The following MANEA variants were observed in gnomAD, a reference collection of about 807,000 sequenced individuals.
The protein encoded by MANEA is glycoprotein endo-alpha-1,2-mannosidase.
A neutral mutation model predicts 36.8 loss-of-function variants in MANEA; 25 were observed. The ratio of observed to expected loss-of-function variants is 0.68; its 90% confidence interval spans 0.50 to 0.95. The LOEUF is 0.95. Ranked by LOEUF, MANEA falls within the 40% of genes least tolerant of loss-of-function variation. MANEA has a pLI of 0.00. For synonymous variants in MANEA, 198 were observed against 188.5 expected (o/e 1.05, Z -0.41); for missense variants, 565 against 558.8 (o/e 1.01, Z -0.11).
At chr6:95,580,132 T>C (rs1407948401) in intron 1 of MANEA, among the ~76,000 whole-genome samples, 1 of 152,128 alleles carries the variant, frequency 6.6e-6, no homozygotes, top group Non-Finnish European at 1.5e-5. Flanking sequence ...ATCTTTACGA[T>C]TCTTTATAAT....
chr6:95,608,906 T>C lies in MANEA; in HGVS notation c.*2501T>C, dbSNP rs957589601. ...TGAATAATTACATGAAAAAAAAGAG[T>C]CTGTACATCTTCAGAGTTTCAGTCG... On this transcript the variant is annotated 3_prime_UTR_variant, in exon 5 of 5. Coordinates refer to ENST00000358812, the MANE Select transcript of MANEA (RefSeq NM_024641.4). 2.0e-5 allele frequency: 3 copies of C among 151,400 alleles called. No homozygotes were observed. Among genetic ancestry groups the C allele is most frequent in the Admixed American group, 6.6e-5 (1 of 15,162 alleles). 9.4% of individuals were successfully genotyped at this position (151,400 alleles called of 1,614,324 possible).
At chr6:95,599,415 TCA>T (rs775067426) in intron 3 of MANEA, among the ~76,000 whole-genome samples, 1 of 86,620 alleles carries the variant, frequency 1.2e-5, no homozygotes, top group Admixed American at 1.1e-4. Context: ...AGAGTCTATC[TCA>T]AAAAAAAAAA....
chr6:95,604,936 T>C, intron 4 of MANEA, 33 bp downstream of exon 4: 1 of 766,608 alleles, frequency 1.3e-6, no homozygotes, highest in Non-Finnish European at 2.0e-6. Context: ...AATATTGTTA[T>C]ATTATCCAGT....
intron 1 of MANEA, among the ~76,000 whole-genome samples, chr6:95,579,543 G>T (rs1769142185): frequency 6.6e-6 from 1 of 151,926 alleles, no homozygotes; most frequent in Non-Finnish European, 1.5e-5. Context: ...ATCTCCGGTG[G>T]CTTCATACAA....
chr6:95,606,387 C>T lies in MANEA; in HGVS notation c.1371C>T (p.Arg457=). 6.3e-7 allele frequency: 1 copy of T among 1,593,264 alleles called. No homozygotes were observed. Among genetic ancestry groups the T allele is most frequent in the Non-Finnish European group, 8.5e-7 (1 of 1,175,590 alleles). Residue 457 remains arginine, a synonymous_variant, in exon 5 of 5, where the codon CGC becomes CGT. Coordinates refer to ENST00000358812, the MANE Select transcript of MANEA (RefSeq NM_024641.4). ...SKERATYALD[R]QLPVS is the part of the protein sequence containing the mutation. ...AAAGAGCAACTTATGCATTAGATCG[C>T]CAGCTGCCTGTTTCTTAATGCATTG... is the stretch of plus-strand genomic sequence containing the variant.
Position 95,606,317 on chromosome 6 carries a change from T to C in MANEA, c.1301T>C (p.Leu434Pro). ...GATTACCGTCCTCATAAACCAGGTC[T>C]TTACCTAGAACTGACTCGCAAGTGG... ...YLDYRPHKPG[L>P]YLELTRKWSE... The change falls in exon 5 of 5, where the codon CTT becomes CCT. Residue 434 changes from leucine (L) to proline (P), a missense_variant. Transcript: ENST00000358812. The C allele has an allele frequency of 6.2e-7, 1 of 1,611,500 alleles. No homozygotes were observed. The highest frequency in any genetic ancestry group is 1.1e-5 in the South Asian group (1 of 91,076).
At chr6:95,605,442 G>A (rs1316608316) in intron 4 of MANEA, among the ~76,000 whole-genome samples, 1 of 152,104 alleles carries the variant, frequency 6.6e-6, no homozygotes, top group Admixed American at 6.6e-5. Context: ...TAAAAAAGCA[G>A]TTTAGGTATT....
intron 2 of MANEA, among the ~76,000 whole-genome samples, chr6:95,588,940 G>A (rs1769335816): frequency 6.6e-6 from 1 of 151,656 alleles, no homozygotes; most frequent in South Asian, 2.1e-4. Context: ...CTTTTTCCCT[G>A]TATAATATTT....
At chr6:95,578,672 A>C (rs898187481) in intron 1 of MANEA, among the ~76,000 whole-genome samples, 3 of 152,176 alleles carry the variant, frequency 2.0e-5, no homozygotes, top group Admixed American at 2.0e-4. Flanking sequence ...AACAATGAAA[A>C]CACCATTTCC....
At chr6:95,590,566 T>G (rs1201443210) in intron 2 of MANEA, among the ~76,000 whole-genome samples, 1 of 152,198 alleles carries the variant, frequency 6.6e-6, no homozygotes, top group East Asian at 1.9e-4. Flanking sequence ...ATTAGACACA[T>G]AAAGTTTAAA....
At chr6:95,598,521 T>G (rs932533433) in intron 3 of MANEA, among the ~76,000 whole-genome samples, 1 of 152,174 alleles carries the variant, frequency 6.6e-6, no homozygotes, top group Non-Finnish European at 1.5e-5. Context: ...GTGAAAGATC[T>G]GAGAGAGAGT....
chr6:95,607,987 G>A lies in MANEA; in HGVS notation c.*1582G>A, dbSNP rs1769748197. ...TTGACACAAATTATGTTATTGAAAA[G>A]CATTATTAATGTTTAATTTATTTAA... On this transcript the variant is annotated 3_prime_UTR_variant, in exon 5 of 5. Transcript: ENST00000358812. 6.6e-6 allele frequency: 1 copy of A among 151,644 alleles called. No homozygotes were observed. The highest frequency in any genetic ancestry group is 6.6e-5 in the Admixed American group (1 of 15,196). 9.4% of individuals were successfully genotyped at this position (151,644 alleles called of 1,614,324 possible). A position where few individuals can be genotyped will look rare whatever the true frequency, so the allele number is the denominator to read the frequency against.
At chr6:95,586,106 T>C (rs546926636) in intron 1 of MANEA, among the ~76,000 whole-genome samples, 18 of 152,248 alleles carry the variant, frequency 1.2e-4, no homozygotes, top group Non-Finnish European at 1.6e-4. Context: ...GAAAAACATA[T>C]TTTAATTTCT....
rs1260282331 is a variant in MANEA, at chr6:95,607,998, GTTTAA to G, written c.*1598_*1602del. The stretch of plus-strand genomic sequence containing the variant: ...TATGTTATTGAAAAGCATTATTAAT[GTTTAA>G]TTTATTTAAAATTTTGGAATTTGCC... On this transcript the variant is annotated 3_prime_UTR_variant, in exon 5 of 5. Coordinates refer to ENST00000358812, the MANE Select transcript of MANEA (RefSeq NM_024641.4). 6.6e-6 allele frequency: 1 copy of G among 151,708 alleles called. No homozygotes were observed. Among genetic ancestry groups the G allele is most frequent in the Non-Finnish European group, 1.5e-5 (1 of 67,772 alleles). The allele number at this position is 151,708 out of a possible 1,614,324, so 9.4% of individuals were successfully genotyped here.
At chr6:95,597,861 T>C (rs549066905) in intron 3 of MANEA, among the ~76,000 whole-genome samples, 1 of 152,136 alleles carries the variant, frequency 6.6e-6, no homozygotes, top group Admixed American at 6.5e-5. Context: ...ATCTTTACTA[T>C]TGTCCACTTT....
At position 95,606,269 on chromosome 6, in the gene MANEA, G is replaced by T; in HGVS notation, c.1253G>T (p.Arg418Ile). 1 of 1,613,662 alleles carries T rather than the reference G, an allele frequency of 6.2e-7. No homozygotes were observed. Among genetic ancestry groups the T allele is most frequent in the African/African-American group, 1.3e-5 (1 of 74,988 alleles). ...GTQIEKAVPKRTSNTVYLDYR... is the reference protein window; with the variant it reads ...GTQIEKAVPKITSNTVYLDYR... ...CAGATTGAAAAAGCTGTTCCCAAAA[G>T]AACCAGTAATACAGTGTACCTAGAT... is the stretch of plus-strand genomic sequence containing the variant. Residue 418 changes from arginine (R) to isoleucine (I), a missense_variant, in exon 5 of 5, where the codon AGA (arginine) becomes ATA (isoleucine). Physicochemically the swap from Arg to Ile is moderately conservative, Grantham distance 97. Transcript: ENST00000358812.
chr6:95,593,984 C>T (rs1294975961), intron 2 of MANEA, among the ~76,000 whole-genome samples: 2 of 151,976 alleles, frequency 1.3e-5, no homozygotes, highest in Non-Finnish European at 2.9e-5. Context: ...ATCACTTGAA[C>T]CTGGGAGGCG....
At chr6:95,604,120 C>A (rs1769659240) in intron 3 of MANEA, among the ~76,000 whole-genome samples, 1 of 125,270 alleles carries the variant, frequency 8.0e-6, no homozygotes. Flanking sequence ...CCATAAATAC[C>A]TAGGCATCAT....
At chr6:95,596,257 T>C (rs1308828564) in intron 2 of MANEA, among the ~76,000 whole-genome samples, 2 of 152,110 alleles carry the variant, frequency 1.3e-5, no homozygotes, top group Admixed American at 1.3e-4. Context: ...TTTCAGCTAC[T>C]CTAATGGAGA....
Sources: gnomAD v4.1 joint callset for allele counts (sites outside exome capture counted in the v4.1 genomes callset) on GRCh38, gnomAD v4.1.1 for gene constraint, MANE v1.5 for transcripts, NCBI Gene and HGNC (gene_info 2026-07-23, HGNC 2026-07-21) for gene names.